Variants in REL observed in about 807,000 individuals in gnomAD.
REL encodes the protein REL proto-oncogene, NF-kB subunit.
In REL, 15 loss-of-function variants were observed where a neutral mutation model predicts 45.9. The observed-to-expected ratio is 0.33, with a 90% CI of 0.22 to 0.50. The LOEUF (loss-of-function observed/expected upper bound fraction) is 0.50. REL is among the 20% of genes least tolerant of loss of function. The probability of loss-of-function intolerance (pLI) is 0.98; values close to 1 mark genes in which losing one functional copy is unlikely to be tolerated. For synonymous variants in REL, 239 were observed against 242.1 expected (o/e 0.99, Z 0.12); for missense variants, 601 against 715.2 (o/e 0.84, Z 1.82).
At position 60,928,089 on chromosome 2, in the gene REL, AG is replaced by A; in HGVS notation, c.*5559del. Reference sequence around the variant, plus strand: ...TCCCAGCACTTTGGGAGGCCGAGGTAGGGGGATTGCTTGAGCCCAGGAGTTC... The same window carrying A: ...TCCCAGCACTTTGGGAGGCCGAGGTAGGGGATTGCTTGAGCCCAGGAGTTC... On this transcript the variant is annotated 3_prime_UTR_variant, in exon 10 of 10. Transcript: ENST00000394479. 1.2e-5 allele frequency: 2 copies of A among 168,254 alleles called. No individual in the cohort carries two copies. Among genetic ancestry groups the A allele is most frequent in the East Asian group, 2.2e-4 (2 of 9,196 alleles). 10.4% of individuals were successfully genotyped at this position (168,254 alleles called of 1,614,324 possible). A position where few individuals can be genotyped will look rare whatever the true frequency, so the allele number is the denominator to read the frequency against.
In REL at chr2:60,901,057, T is replaced by C; in HGVS notation, c.368T>C (p.Ile123Thr). The C allele has an allele frequency of 6.2e-7, 1 of 1,607,032 alleles. No individual in the cohort carries two copies. Among genetic ancestry groups the C allele is most frequent in the South Asian group, 1.1e-5 (1 of 90,024 alleles). Residue 123 changes from isoleucine to threonine, a missense_variant, in exon 4 of 10, where the codon ATA becomes ACA. Coordinates refer to ENST00000394479, the MANE Select transcript of REL (RefSeq NM_001291746.2). The part of the protein sequence containing the change: ...KEVKEAIITR[I>T]KAGINPFNVP... ...GTAAAAGAAGCTATTATTACAAGAA[T>C]AAAGGCAGGAATCAATCCATTCAAT...
At chr2:60,899,886 ACTT>A (rs976446766) in intron 3 of REL, 12 of 152,358 alleles carry the variant, frequency 7.9e-5, no homozygotes, top group African/African-American at 2.9e-4. Context: ...TTAGCATTAA[ACTT>A]CTTTCTAATA....
chr2:60,908,222 G>C (rs189963271), intron 4 of REL, among the ~76,000 whole-genome samples: 1 of 152,192 alleles, frequency 6.6e-6, no homozygotes, highest in East Asian at 1.9e-4. Flanking sequence ...ATGGAATCTT[G>C]TTTCCATTTC....
intron 1 of REL, among the ~76,000 whole-genome samples, chr2:60,890,612 A>G (rs375129690): frequency 2.0e-5 from 3 of 152,100 alleles, no homozygotes; most frequent in Admixed American, 6.6e-5. Flanking sequence ...TTGAGTGTCT[A>G]TTTACCTTTT....
rs2103990827 is a variant in REL, at chr2:60,922,551, T to A, written c.*16T>A. 6.4e-7 allele frequency: 1 copy of A among 1,568,750 alleles called. No individual in the cohort carries two copies. Among genetic ancestry groups the A allele is most frequent in the South Asian group, 1.2e-5 (1 of 84,950 alleles). On this transcript the variant is annotated 3_prime_UTR_variant, in exon 10 of 10. Transcript: ENST00000394479. ...TCAAGTATAACTTGCAAGATTTAAA[T>A]CCTTTTAAATCTTGATACCACCTAT...
chr2:60,903,047 T>A (rs1489122301), intron 4 of REL, among the ~76,000 whole-genome samples: 1 of 152,236 alleles, frequency 6.6e-6, no homozygotes, highest in African/African-American at 2.4e-5. Flanking sequence ...AAAATTGTGA[T>A]TCATTGCCAA....
rs914908836 is a variant in REL at position 60,916,848 on chromosome 2, C to T, written c.395-29C>T. On this transcript the variant is annotated intron_variant, in intron 4 of 9. Coordinates refer to ENST00000394479, the MANE Select transcript of REL (RefSeq NM_001291746.2). ...AGTCTTTAGGTCTATGTGACTATTA[C>T]ATTTAAAAAATTTTTTTTTTCTATT... is the stretch of plus-strand genomic sequence containing the variant. 6 of 1,573,436 alleles carry T rather than the reference C, an allele frequency of 3.8e-6. No homozygotes were observed. The Admixed American group carries it at 6.9e-5, about 18-fold the overall frequency.
At chr2:60,919,855 A>G (rs1228786199) in intron 7 of REL, among the ~76,000 whole-genome samples, 186 bp from the exon 8 acceptor site, 2 of 152,184 alleles carry the variant, frequency 1.3e-5, no homozygotes, top group Non-Finnish European at 2.9e-5. Flanking sequence ...ATTTTTTACT[A>G]AGAGAAAAAT....
Position 60,891,698 on chromosome 2 carries a change from A to G in REL, c.26A>G (p.Tyr9Cys), listed in dbSNP as rs868755436. The part of the protein sequence containing the change: MASGAYNP[Y>C]IEIIEQPRQR... ...AACTTTTCAGGTGCGTATAACCCGTATATAGAGATAATTGAACAACCCAGG... is the reference window on the plus strand; with the variant it reads ...AACTTTTCAGGTGCGTATAACCCGTGTATAGAGATAATTGAACAACCCAGG... The change falls in exon 2 of 10, where the codon TAT becomes TGT. Residue 9 changes from tyrosine (Y) to cysteine (C), a missense_variant. Tyr to Cys is a radical substitution (Grantham distance 194). Around this residue, in one of 4 missense-constraint regions of REL, gnomAD observed 24 missense variants for 18.2 expected, o/e 1.32. Transcript: ENST00000394479. 2 of 1,613,710 alleles carry G rather than the reference A, an allele frequency of 1.2e-6. No individual in the cohort carries two copies. The highest frequency in any genetic ancestry group is 1.1e-5 in the South Asian group (1 of 91,038).
In REL at chr2:60,883,258, G is replaced by A. The variant is rs528855359; in HGVS notation, c.10+1408G>A. 2.6e-5 allele frequency among the ~76,000 whole-genome samples: 4 copies of A among 152,284 alleles called. No individual in the cohort carries two copies. In the South Asian group the frequency reaches 8.3e-4, roughly 32 times the overall value. ...TCTAGTAGAGATGAGGAAGTAGGAA[G>A]CTTAAAGAACCTTTTTAAAAGGTTG... On this transcript the variant is annotated intron_variant, in intron 1 of 9. Transcript: ENST00000394479.
In REL at chr2:60,921,773, G is replaced by A; in HGVS notation, c.1002G>A (p.Leu334=). ...TTTTTCCTCCCACAGAACCAAACTT[G>A]TTTTCTCATGATGCAGTTGTGAGAG... The part of the protein sequence containing the change: ...EGRYFKKEPN[L]FSHDAVVREM... Residue 334 remains leucine, a synonymous_variant, in exon 10 of 10, where the codon TTG becomes TTA. Coordinates refer to ENST00000394479, the MANE Select transcript of REL (RefSeq NM_001291746.2). 6.3e-7 allele frequency: 1 copy of A among 1,592,924 alleles called. No homozygotes were observed. Among genetic ancestry groups the A allele is most frequent in the Non-Finnish European group, 8.6e-7 (1 of 1,165,176 alleles).
intron 4 of REL, among the ~76,000 whole-genome samples, chr2:60,915,882 G>A (rs1420728007): frequency 2.0e-5 from 3 of 152,062 alleles, no homozygotes; most frequent in Admixed American, 6.5e-5. Context: ...AAGTTTGCAC[G>A]TAAAATTTCT....
Position 60,891,768 on chromosome 2 carries a change from A to G in REL, c.96A>G (p.Ala32=), listed in dbSNP as rs1389499300. The part of the protein sequence containing the change: ...RFRYKCEGRS[A]GSIPGEHSTD... ...GATACAAATGTGAAGGGCGATCAGC[A>G]GGCAGCATTCCAGGGGAGCACAGCA... The change falls in exon 2 of 10, where the codon GCA becomes GCG. Residue 32 remains alanine (A), a synonymous_variant. Coordinates refer to ENST00000394479, the MANE Select transcript of REL (RefSeq NM_001291746.2). The G allele has an allele frequency of 4.3e-6, 7 of 1,614,038 alleles. No homozygotes were observed. The highest frequency in any genetic ancestry group is 5.1e-6 in the Non-Finnish European group (6 of 1,179,998).
In REL at chr2:60,929,591, T is replaced by C. The variant is rs1395571192; in HGVS notation, c.*7056T>C. The C allele has an allele frequency of 6.7e-6, 1 of 149,440 alleles. No homozygotes were observed. Among genetic ancestry groups the C allele is most frequent in the East Asian group, 2.0e-4 (1 of 5,050 alleles). 9.3% of individuals were successfully genotyped at this position (149,440 alleles called of 1,614,324 possible). The stretch of plus-strand genomic sequence containing the variant: ...CAAGAACAAGAAACCAAACACCACA[T>C]ATTCTCACTCATAGGTGGGAATTGA... On this transcript the variant is annotated 3_prime_UTR_variant, in exon 10 of 10. Transcript: ENST00000394479.
At chr2:60,887,039 T>G (rs780530352) in intron 1 of REL, among the ~76,000 whole-genome samples, 13 of 152,292 alleles carry the variant, frequency 8.5e-5, no homozygotes, top group Non-Finnish European at 1.9e-4. Flanking sequence ...TGAGGTTATC[T>G]TAGTTAAGAG....
At chr2:60,913,825 A>G (rs1314977208) in intron 4 of REL, among the ~76,000 whole-genome samples, 3 of 152,172 alleles carry the variant, frequency 2.0e-5, no homozygotes, top group Admixed American at 2.0e-4. Flanking sequence ...TCATGGTTGA[A>G]TTGGTCCAGT....
At chr2:60,896,669 A>G (rs1673360113) in intron 3 of REL, among the ~76,000 whole-genome samples, 1 of 152,218 alleles carries the variant, frequency 6.6e-6, no homozygotes, top group Non-Finnish European at 1.5e-5. Flanking sequence ...TGTCTATATT[A>G]CTTGACCTCC....
At chr2:60,909,685 G>A (rs923104201) in intron 4 of REL, among the ~76,000 whole-genome samples, 1 of 152,144 alleles carries the variant, frequency 6.6e-6, no homozygotes, top group Admixed American at 6.5e-5. Flanking sequence ...GGCGGATCAC[G>A]AGGTCAAGAG....
intron 3 of REL, 103 bp downstream of exon 3, chr2:60,894,648 A>C (rs2103933764): frequency 3.4e-6 from 3 of 886,836 alleles, no homozygotes; most frequent in Non-Finnish European, 4.9e-6. Flanking sequence ...TAATTTTCTC[A>C]TTCTACTTCT....
Sources: gnomAD v4.1 joint callset for allele counts (sites outside exome capture counted in the v4.1 genomes callset) on GRCh38, gnomAD v4.1.1 for gene constraint, gnomAD v4.1.1 regional missense constraint, MANE v1.5 for transcripts, NCBI Gene and HGNC (gene_info 2026-07-23, HGNC 2026-07-21) for gene names.